The following HS3ST3B1 variants were observed in gnomAD, a reference collection of about 807,000 sequenced individuals.
The protein encoded by HS3ST3B1 is heparan sulfate glucosamine 3-O-sulfotransferase 3B1.
A neutral mutation model predicts 21.3 loss-of-function variants in HS3ST3B1; 13 were observed. The observed-to-expected ratio is 0.61, with a 90% CI of 0.40 to 0.97. The LOEUF is 0.97. Ranked by LOEUF, HS3ST3B1 falls within the 50% of genes least tolerant of loss-of-function variation. The pLI, the probability that HS3ST3B1 is intolerant of heterozygous loss-of-function variation, is 0.00. For missense variants in HS3ST3B1, 459 were observed against 554.8 expected, an observed-to-expected ratio of 0.83 and a Z score of 1.73; for synonymous variants, 234 against 254.8, an observed-to-expected ratio of 0.92 and a Z score of 0.78.
chr17:14,316,939 C>T (rs552129493), intron 1 of HS3ST3B1, among the ~76,000 whole-genome samples: 1 of 152,328 alleles, frequency 6.6e-6, no homozygotes, highest in East Asian at 1.9e-4. Context: ...CCATAGTTAT[C>T]TTATTATCTC....
intron 1 of HS3ST3B1, 110 bp from the exon 2 acceptor site, chr17:14,344,918 C>G: frequency 7.0e-7 from 1 of 1,437,394 alleles, no homozygotes; most frequent in Non-Finnish European, 9.3e-7. Flanking sequence ...CATGTTTCTA[C>G]CACTGCTTCC....
rs756823202 is a variant in HS3ST3B1 at position 14,301,590 on chromosome 17, G to T, written c.72G>T (p.Pro24=). ...GCCGGCTCCTACCGCAGCCGCCGCC[G>T]CCCCCGCCGCCGGTGAGGAGGAAGC... ...VPGRLLPQPP[P]PPPPVRRKLA... The change falls in exon 1 of 2, where the codon CCG becomes CCT. Residue 24 remains proline, a synonymous_variant. Coordinates refer to ENST00000360954, the MANE Select transcript of HS3ST3B1 (RefSeq NM_006041.3). The T allele has an allele frequency of 1.2e-6, 2 of 1,601,006 alleles. No individual in the cohort carries two copies. Among genetic ancestry groups the T allele is most frequent in the South Asian group, 2.2e-5 (2 of 90,564 alleles).
chr17:14,315,093 G>C (rs2142331116), intron 1 of HS3ST3B1, among the ~76,000 whole-genome samples: 1 of 152,162 alleles, frequency 6.6e-6, no homozygotes, highest in South Asian at 2.1e-4. Context: ...GCTTTTCTTT[G>C]ATCGGATTCC....
At chr17:14,327,973 A>G (rs1221578481) in intron 1 of HS3ST3B1, 1 of 152,218 alleles carries the variant, frequency 6.6e-6, no homozygotes, top group East Asian at 1.9e-4. Context: ...AATGCAGGGT[A>G]AAAGGCTAAT....
rs9906590 is a variant in HS3ST3B1, at chr17:14,345,560, G to A, written c.1087G>A (p.Glu363Lys). The A allele has an allele frequency of 2.7e-3, 4,355 of 1,585,204 alleles. 117 individuals carry two copies. In the African/African-American group the frequency reaches 0.051, roughly 18 times the overall value. ...CAGGACCCATCCTGAGATCGACCGC[G>A]AGGTGGTGCGCAGGCTGCGCGAGTT... ...KGRTHPEIDR[E>K]VVRRLREFYR... Residue 363 changes from glutamate (E) to lysine (K), a missense_variant, in exon 2 of 2, where the codon GAG (glutamate) becomes AAG (lysine). Physicochemically the swap from Glu to Lys is moderately conservative, Grantham distance 56. Coordinates refer to ENST00000360954, the MANE Select transcript of HS3ST3B1 (RefSeq NM_006041.3).
intron 1 of HS3ST3B1, among the ~76,000 whole-genome samples, chr17:14,320,373 G>T (rs1474444423): frequency 1.3e-5 from 2 of 152,214 alleles, no homozygotes; most frequent in East Asian, 3.9e-4. Context: ...AGAAGATCAT[G>T]GCAGAAGGAA....
In HS3ST3B1 at chr17:14,323,851, T is replaced by A. The variant is rs145354282; in HGVS notation, c.555-21177T>A. ...AATGGGGCAATAGAGAGCTCAGCTC[T>A]TGTTCTCTCCTTCAGGTGGTGTTTG... On this transcript the variant is annotated intron_variant, in intron 1 of 1. Transcript: ENST00000360954. 3.5e-3 allele frequency among the ~76,000 whole-genome samples: 537 copies of A among 152,334 alleles called. 5 individuals are homozygous for A. Among genetic ancestry groups the A allele is most frequent in the Middle Eastern group, 0.014 (4 of 294 alleles).
chr17:14,329,415 AAGAG>A (rs1225021802), intron 1 of HS3ST3B1: 7 of 147,200 alleles, frequency 4.8e-5, no homozygotes, highest in South Asian at 2.2e-4. Context: ...AAAAGAGAGA[AAGAG>A]AGAGAGGAAG....
In HS3ST3B1 at chr17:14,349,192, A is replaced by T. The variant is rs541916650; in HGVS notation, c.*3546A>T. On this transcript the variant is annotated 3_prime_UTR_variant, in exon 2 of 2. Transcript: ENST00000360954. ...TTAATTTATCACTGAGTCTCATTCA[A>T]CCAAGTAATCTAAAATACTGTGCAA... 7.2e-5 allele frequency: 11 copies of T among 152,324 alleles called. No homozygotes were observed. The highest frequency in any genetic ancestry group is 1.6e-4 in the Non-Finnish European group (11 of 68,028). The allele number at this position is 152,324 out of a possible 1,614,324, so 9.4% of individuals were successfully genotyped here.
chr17:14,314,126 T>G (rs767247714), intron 1 of HS3ST3B1, among the ~76,000 whole-genome samples: 190 of 152,092 alleles, frequency 1.2e-3, no homozygotes, highest in Non-Finnish European at 2.0e-3. Flanking sequence ...ATTACAGGCA[T>G]GCACCACCAG....
At chr17:14,338,479 G>A (rs1424300525) in intron 1 of HS3ST3B1, among the ~76,000 whole-genome samples, 3 of 147,150 alleles carry the variant, frequency 2.0e-5, no homozygotes, top group Non-Finnish European at 4.5e-5. Context: ...TTTTGCTCTT[G>A]TTGCCCAGGC....
Position 14,346,247 on chromosome 17 carries a change from CTTTTTTTTTTTTTTT to C in HS3ST3B1, c.*609_*623del, listed in dbSNP as rs71352467. On this transcript the variant is annotated 3_prime_UTR_variant, in exon 2 of 2. Transcript: ENST00000360954. The stretch of plus-strand genomic sequence containing the variant: ...AGGGACATCCACATCCTTTTTTTTT[CTTTTTTTTTTTTTTT>C]TTTTTTTGAGATGGAGTCTTGCTCT... 1 of 90,338 alleles carries C rather than the reference CTTTTTTTTTTTTTTT, an allele frequency of 1.1e-5. No individual in the cohort carries two copies. The highest frequency in any genetic ancestry group is 2.0e-5 in the Non-Finnish European group (1 of 50,806). The allele number at this position is 90,338 out of a possible 1,614,324, so 5.6% of individuals were successfully genotyped here.
chr17:14,334,702 A>C (rs954721685), intron 1 of HS3ST3B1, among the ~76,000 whole-genome samples: 1 of 152,162 alleles, frequency 6.6e-6, no homozygotes, highest in African/African-American at 2.4e-5. Flanking sequence ...ACATACGTAT[A>C]ATGACATGGA....
rs60767866 is a variant in HS3ST3B1 at position 14,330,550 on chromosome 17, G to GGTGTGTGTGTGTGTGTGTGT, written c.555-14463_555-14444dup. Among the ~76,000 whole-genome samples, 32 of 144,082 alleles carry GGTGTGTGTGTGTGTGTGTGT rather than the reference G, an allele frequency of 2.2e-4. 1 individual carries two copies. Among genetic ancestry groups the GGTGTGTGTGTGTGTGTGTGT allele is most frequent in the African/African-American group, 6.2e-4 (24 of 38,650 alleles). The allele number at this position is 144,082 out of a possible 152,430, so 94.5% of individuals were successfully genotyped here. A position where few individuals can be genotyped will look rare whatever the true frequency, so the allele number is the denominator to read the frequency against. On this transcript the variant is annotated intron_variant, in intron 1 of 1. Coordinates refer to ENST00000360954, the MANE Select transcript of HS3ST3B1 (RefSeq NM_006041.3). The stretch of plus-strand genomic sequence containing the variant: ...TGTCCTGTTTCTCTCCTGGTTTCCC[G>GGTGTGTGTGTGTGTGTGTGT]GTGTGTGTGTGTGTGTGTGTGTGTG...
chr17:14,329,164 G>T, intron 1 of HS3ST3B1: 1 of 152,200 alleles, frequency 6.6e-6, no homozygotes. Flanking sequence ...TCAGGAGATA[G>T]GGAAGGTCGC....
intron 1 of HS3ST3B1, among the ~76,000 whole-genome samples, chr17:14,313,981 T>C (rs979308657): frequency 6.6e-6 from 1 of 151,984 alleles, no homozygotes; most frequent in Non-Finnish European, 1.5e-5. Flanking sequence ...TCTTTTTTTG[T>C]TTTTGTTTTT....
At chr17:14,329,557 A>G (rs769749738) in intron 1 of HS3ST3B1, 24 of 151,326 alleles carry the variant, frequency 1.6e-4, no homozygotes, top group Non-Finnish European at 2.9e-4. Context: ...AGAAAAGGAA[A>G]GAAAAGAAGA....
intron 1 of HS3ST3B1, among the ~76,000 whole-genome samples, chr17:14,333,878 T>C (rs11649737): frequency 0.21 from 32,229 of 152,118 alleles, 3,675 homozygotes; most frequent in Non-Finnish European, 0.25. Flanking sequence ...TTCTCCTGCC[T>C]CAGCCTCCCC....
intron 1 of HS3ST3B1, among the ~76,000 whole-genome samples, chr17:14,336,350 A>C (rs1910185957): frequency 6.6e-6 from 1 of 152,238 alleles, no homozygotes; most frequent in Non-Finnish European, 1.5e-5. Context: ...ATATCACCCG[A>C]GGAAAGGAAG....
Sources: allele counts gnomAD v4.1 joint callset (sites outside exome capture counted in the v4.1 genomes callset), GRCh38; gene constraint gnomAD v4.1.1; transcripts MANE v1.5; gene names NCBI Gene and HGNC (gene_info 2026-07-23, HGNC 2026-07-21).